CADM2: variants seen among roughly 807,000 people sequenced by gnomAD.
The protein encoded by CADM2 is cell adhesion molecule 2, also known as immunoglobulin superfamily member 4D.
CADM2 carries 12 observed loss-of-function variants against 49.8 expected under a neutral mutation model. The observed-to-expected ratio is 0.24, with a 90% CI of 0.15 to 0.39. The LOEUF is 0.39. CADM2 is among the 10% of genes least tolerant of loss of function. The pLI, the probability that CADM2 is intolerant of heterozygous loss-of-function variation, is 1.00. For missense variants in CADM2, 378 were observed against 492.3 expected, an observed-to-expected ratio of 0.77 and a Z score of 2.20; for synonymous variants, 214 against 175.4, an observed-to-expected ratio of 1.22 and a Z score of -1.74.
chr3:85,684,421 G>A (rs2066140042), intron 1 of CADM2, among the ~76,000 whole-genome samples: 1 of 152,024 alleles, frequency 6.6e-6, no homozygotes, highest in Non-Finnish European at 1.5e-5. Context: ...AGGTTTAGCA[G>A]TAGGCAAGCC....
At chr3:85,922,024 T>A (rs1423568301) in intron 6 of CADM2, among the ~76,000 whole-genome samples, 2 of 152,202 alleles carry the variant, frequency 1.3e-5, no homozygotes, top group African/African-American at 4.8e-5. Context: ...AGTTTGATAC[T>A]GTGTCTTGAA....
intron 3 of CADM2, among the ~76,000 whole-genome samples, chr3:85,875,621 G>A (rs116241019): frequency 9.5e-4 from 145 of 152,240 alleles, no homozygotes; most frequent in African/African-American, 3.4e-3. Flanking sequence ...ATCCTTGGGG[G>A]AAGTAGAGAT....
intron 1 of CADM2, among the ~76,000 whole-genome samples, chr3:85,294,454 G>A (rs1310209896): frequency 1.3e-5 from 2 of 151,708 alleles, no homozygotes; most frequent in Non-Finnish European, 2.9e-5. Flanking sequence ...AAGTTCATAT[G>A]GAACCAAAAA....
At chr3:85,728,783 A>G (rs1458030867) in intron 2 of CADM2, among the ~76,000 whole-genome samples, 8 of 152,314 alleles carry the variant, frequency 5.3e-5, no homozygotes, top group African/African-American at 9.6e-5. Context: ...TTTCATTTCC[A>G]GAAACCATAA....
intron 1 of CADM2, among the ~76,000 whole-genome samples, chr3:85,104,731 C>T (rs779325400): frequency 1.3e-5 from 2 of 152,072 alleles, no homozygotes; most frequent in East Asian, 1.9e-4. Flanking sequence ...TTGTTTGTAT[C>T]GTCTTTTATT....
chr3:85,221,418 A>G (rs899250667), intron 1 of CADM2, among the ~76,000 whole-genome samples: 12 of 152,154 alleles, frequency 7.9e-5, no homozygotes, highest in African/African-American at 2.9e-4. Flanking sequence ...AATTATTATT[A>G]ATATTATTGC....
chr3:85,213,775 T>C (rs925505362), intron 1 of CADM2, among the ~76,000 whole-genome samples: 1 of 152,112 alleles, frequency 6.6e-6, no homozygotes, highest in African/African-American at 2.4e-5. Flanking sequence ...TTTTTTCCTT[T>C]GTCTCCTCTG....
intron 1 of CADM2, among the ~76,000 whole-genome samples, chr3:85,504,904 C>T (rs2040264284): frequency 6.6e-6 from 1 of 152,178 alleles, no homozygotes; most frequent in African/African-American, 2.4e-5. Flanking sequence ...ACACCCTCCG[C>T]AGCCGCTGGC....
At chr3:85,584,477 GTTTATAAATA>G (rs1456205403) in intron 1 of CADM2, among the ~76,000 whole-genome samples, 3 of 151,968 alleles carry the variant, frequency 2.0e-5, no homozygotes, top group Non-Finnish European at 4.4e-5. Flanking sequence ...GGTTTTATTT[GTTTATAAATA>G]TATGTTATGG....
At chr3:85,634,038 A>T (rs1294862631) in intron 1 of CADM2, among the ~76,000 whole-genome samples, 2 of 151,990 alleles carry the variant, frequency 1.3e-5, no homozygotes, top group East Asian at 3.9e-4. Context: ...GTAAAATCCA[A>T]ATTCCAGAGC....
Position 85,130,492 on chromosome 3 carries a change from T to C in CADM2, c.61+170824T>C, listed in dbSNP as rs140192162. On this transcript the variant is annotated intron_variant, in intron 1 of 9. Coordinates refer to ENST00000383699, the MANE Select transcript of CADM2 (RefSeq NM_001167675.2). ...AAAGTTTCTAATTAAGGTCAGTCCT[T>C]AAGTAACATGTAAATATATTCAATC... Among the ~76,000 whole-genome samples, 281 of 152,294 alleles carry C rather than the reference T, an allele frequency of 1.8e-3. 1 individual carries two copies. Among genetic ancestry groups the C allele is most frequent in the Non-Finnish European group, 2.9e-3 (200 of 68,024 alleles).
At chr3:85,068,481 A>G (rs944593952) in intron 1 of CADM2, among the ~76,000 whole-genome samples, 2 of 152,302 alleles carry the variant, frequency 1.3e-5, no homozygotes, top group Middle Eastern at 6.8e-3. Flanking sequence ...TAAACTGGAA[A>G]AAACAAAGTT....
intron 1 of CADM2, among the ~76,000 whole-genome samples, chr3:85,265,720 A>T (rs2043108267): frequency 6.6e-6 from 1 of 151,968 alleles, no homozygotes; most frequent in African/African-American, 2.4e-5. Context: ...ATATTTATAG[A>T]TTTTTTTCTA....
chr3:85,502,823 A>G (rs1182891325), intron 1 of CADM2, among the ~76,000 whole-genome samples: 1 of 152,256 alleles, frequency 6.6e-6, no homozygotes, highest in East Asian at 1.9e-4. Context: ...CATTTCTATA[A>G]AAGTATTCAA....
chr3:85,591,974 A>T (rs2063121138), intron 1 of CADM2, among the ~76,000 whole-genome samples: 1 of 152,002 alleles, frequency 6.6e-6, no homozygotes, highest in Non-Finnish European at 1.5e-5. Context: ...CAATTTTTAA[A>T]AATCAGGTAA....
At chr3:85,036,892 C>A (rs962519118) in intron 1 of CADM2, among the ~76,000 whole-genome samples, 1 of 151,148 alleles carries the variant, frequency 6.6e-6, no homozygotes, top group East Asian at 2.0e-4. Context: ...TGGCTCATGC[C>A]TGTTATACCA....
intron 2 of CADM2, among the ~76,000 whole-genome samples, chr3:85,727,665 T>C (rs1179408814): frequency 6.6e-6 from 1 of 152,024 alleles, no homozygotes; most frequent in African/African-American, 2.4e-5. Context: ...AGAAGTGTAG[T>C]TTTAGGAATG....
At chr3:85,710,531 T>A (rs1314892426) in intron 1 of CADM2, among the ~76,000 whole-genome samples, 1 of 152,134 alleles carries the variant, frequency 6.6e-6, no homozygotes, top group Non-Finnish European at 1.5e-5. Context: ...TTGGATATAT[T>A]TTATATTCTT....
intron 3 of CADM2, among the ~76,000 whole-genome samples, chr3:85,855,616 T>A (rs889011608): frequency 1.2e-4 from 5 of 40,954 alleles, no homozygotes; most frequent in Admixed American, 2.6e-4. Flanking sequence ...TATATATATA[T>A]AAAACATATA....
Sources: gnomAD v4.1 joint callset for allele counts (sites outside exome capture counted in the v4.1 genomes callset) on GRCh38, gnomAD v4.1.1 for gene constraint, MANE v1.5 for transcripts, NCBI Gene and HGNC (gene_info 2026-07-23, HGNC 2026-07-21) for gene names.